The following CSMD1 variants were observed in gnomAD, a reference collection of about 807,000 sequenced individuals.
CSMD1 encodes CUB and sushi domain-containing protein 1.
CSMD1 carries 213 observed loss-of-function variants against 417.5 expected under a neutral mutation model. The ratio of observed to expected loss-of-function variants is 0.51; its 90% CI spans 0.46 to 0.57. The LOEUF is 0.57. Among genes scored for constraint, CSMD1 ranks in the 20% least tolerant of loss-of-function variants. The pLI is 0.00. For synonymous variants in CSMD1, 2,862 were observed against 1,736.8 expected, an observed-to-expected ratio of 1.65 and a Z score of -16.11; for missense variants, 6,923 against 4,529.7, an observed-to-expected ratio of 1.53 and a Z score of -15.17.
chr8:4,474,165 C>T (rs752233644), intron 2 of CSMD1, among the ~76,000 whole-genome samples: 15 of 152,112 alleles, frequency 9.9e-5, no homozygotes, highest in Non-Finnish European at 2.1e-4. Flanking sequence ...AATTTCCACA[C>T]ATGGAAATAA....
chr8:4,412,477 C>G (rs577400423), intron 3 of CSMD1, among the ~76,000 whole-genome samples: 7 of 152,312 alleles, frequency 4.6e-5, no homozygotes, highest in African/African-American at 1.4e-4. Flanking sequence ...GCCAGTACCA[C>G]GGTTCCTGTC....
intron 23 of CSMD1, among the ~76,000 whole-genome samples, chr8:3,315,474 A>C (rs904456425): frequency 1.1e-5 from 1 of 94,920 alleles, no homozygotes; most frequent in Admixed American, 1.1e-4. Flanking sequence ...TTTTTAAACT[A>C]TCTTTTAAAT....
intron 12 of CSMD1, among the ~76,000 whole-genome samples, chr8:3,443,908 A>C (rs1047159576): frequency 3.4e-4 from 51 of 152,222 alleles, no homozygotes; most frequent in African/African-American, 1.2e-3. Flanking sequence ...AGCAACTGAG[A>C]AATTATGAGA....
intron 1 of CSMD1, among the ~76,000 whole-genome samples, chr8:4,667,690 G>C (rs1361027396): frequency 2.0e-5 from 3 of 152,048 alleles, no homozygotes; most frequent in Non-Finnish European, 4.4e-5. Flanking sequence ...AAATTCAATG[G>C]ATTTTTAAAA....
Position 3,899,395 on chromosome 8 carries a change from T to G in CSMD1, c.818+98508A>C, listed in dbSNP as rs146941435. 2.2e-3 allele frequency among the ~76,000 whole-genome samples: 328 copies of G among 152,278 alleles called. 1 individual carries two copies. Among genetic ancestry groups the G allele is most frequent in the African/African-American group, 7.6e-3 (316 of 41,564 alleles). ...AAAGAGTGACTGAACATGACCCATATGGGTATGCTGATTACTTCAACATGT... is the reference window on the plus strand; with the variant it reads ...AAAGAGTGACTGAACATGACCCATAGGGGTATGCTGATTACTTCAACATGT... On this transcript the variant is annotated intron_variant, in intron 5 of 69. Coordinates refer to ENST00000635120, the MANE Select transcript of CSMD1 (RefSeq NM_033225.6).
chr8:3,993,138 A>G (rs912588394), intron 5 of CSMD1, among the ~76,000 whole-genome samples: 3 of 152,232 alleles, frequency 2.0e-5, no homozygotes, highest in Admixed American at 6.5e-5. Context: ...TGGTGCCAAT[A>G]ATTACACTAT....
intron 10 of CSMD1, among the ~76,000 whole-genome samples, chr8:3,523,258 G>C (rs1303260840): frequency 2.0e-5 from 3 of 152,034 alleles, no homozygotes; most frequent in African/African-American, 7.2e-5. Flanking sequence ...TACCATATAG[G>C]ATTTAAAATA....
Position 3,911,867 on chromosome 8 carries a change from G to C in CSMD1, c.818+86036C>G, listed in dbSNP as rs1446351494. 5.3e-5 allele frequency among the ~76,000 whole-genome samples: 8 copies of C among 152,108 alleles called. No individual in the cohort carries two copies. In the East Asian group the frequency reaches 1.5e-3, roughly 29 times the overall value. On this transcript the variant is annotated intron_variant, in intron 5 of 69. Transcript: ENST00000635120. ...ACAAAAGATTCTCCTTCCCATCTGT[G>C]TTCCATCTTCTTACCTCCGTTATCT...
chr8:3,494,769 G>A (rs933185411), intron 10 of CSMD1, among the ~76,000 whole-genome samples: 2 of 152,184 alleles, frequency 1.3e-5, no homozygotes, highest in African/African-American at 4.8e-5. Context: ...GAAGGGACAG[G>A]AGGAACAGAA....
At chr8:3,142,959 G>A (rs1006104005) in intron 40 of CSMD1, among the ~76,000 whole-genome samples, 3 of 152,174 alleles carry the variant, frequency 2.0e-5, no homozygotes, top group African/African-American at 4.8e-5. Context: ...AGCTACACAG[G>A]TGGAATCCTT....
Position 4,283,982 on chromosome 8 carries a change from T to C in CSMD1, c.415+135971A>G, listed in dbSNP as rs543798195. Among the ~76,000 whole-genome samples, 478 of 152,258 alleles carry C rather than the reference T, an allele frequency of 3.1e-3. 3 individuals are homozygous for C. The highest frequency in any genetic ancestry group is 0.02 in the Middle Eastern group (6 of 294). ...GGGTGGTGGCTCACACTTGTAATCGTAGCACTTTGGGAGGCCGAGGAAGGT... is the reference window on the plus strand; with the variant it reads ...GGGTGGTGGCTCACACTTGTAATCGCAGCACTTTGGGAGGCCGAGGAAGGT... On this transcript the variant is annotated intron_variant, in intron 3 of 69. Coordinates refer to ENST00000635120, the MANE Select transcript of CSMD1 (RefSeq NM_033225.6).
At chr8:3,446,501 C>T (rs1815318118) in intron 12 of CSMD1, among the ~76,000 whole-genome samples, 1 of 152,134 alleles carries the variant, frequency 6.6e-6, no homozygotes, top group Admixed American at 6.5e-5. Context: ...CTGAGTAGTT[C>T]ATGGTCATGC....
intron 37 of CSMD1, 34 bp from the exon 38 acceptor site, chr8:3,162,311 T>C (rs1224473817): frequency 1.5e-6 from 2 of 1,328,992 alleles, no homozygotes; most frequent in Admixed American, 1.9e-5. Context: ...AGAAATTATA[T>C]GATGTAAACA....
At chr8:3,511,817 CAT>C (rs1797084725) in intron 10 of CSMD1, among the ~76,000 whole-genome samples, 1 of 133,984 alleles carries the variant, frequency 7.5e-6, no homozygotes, top group Admixed American at 7.4e-5. Flanking sequence ...CATAACATAA[CAT>C]AACAATAAAT....
At chr8:4,232,802 G>C (rs1209583927) in intron 3 of CSMD1, among the ~76,000 whole-genome samples, 2 of 152,134 alleles carry the variant, frequency 1.3e-5, no homozygotes, top group Non-Finnish European at 2.9e-5. Context: ...TGAATGTCAG[G>C]TGCCTCGAAA....
intron 1 of CSMD1, among the ~76,000 whole-genome samples, chr8:4,860,582 A>G (rs934859276): frequency 1.3e-5 from 2 of 152,152 alleles, no homozygotes; most frequent in Admixed American, 6.5e-5. Context: ...CAGAATCATG[A>G]GCCAATTAAA....
At chr8:4,705,177 T>A (rs1200185911) in intron 1 of CSMD1, among the ~76,000 whole-genome samples, 1 of 152,150 alleles carries the variant, frequency 6.6e-6, no homozygotes, top group Non-Finnish European at 1.5e-5. Flanking sequence ...AATTGTAAGT[T>A]TCCTGAGGCC....
At chr8:4,690,797 C>T (rs189871657) in intron 1 of CSMD1, among the ~76,000 whole-genome samples, 30 of 152,212 alleles carry the variant, frequency 2.0e-4, no homozygotes, top group Middle Eastern at 3.4e-3. Flanking sequence ...GGTGCGATCT[C>T]GGCTCACTGC....
chr8:3,441,906 C>A (rs1037024350), intron 12 of CSMD1, among the ~76,000 whole-genome samples: 1 of 151,888 alleles, frequency 6.6e-6, no homozygotes, highest in African/African-American at 2.4e-5. Context: ...CAGAAGAAGG[C>A]ATTGAGATCA....
Sources: gnomAD v4.1 joint callset for allele counts (sites outside exome capture counted in the v4.1 genomes callset) on GRCh38, gnomAD v4.1.1 for gene constraint, MANE v1.5 for transcripts, NCBI Gene and HGNC (gene_info 2026-07-23, HGNC 2026-07-21) for gene names.